Variants in VARS1 observed in about 807,000 individuals in gnomAD.
VARS1 encodes the protein valyl-tRNA synthetase 1, also known as valine--tRNA ligase.
A neutral mutation model predicts 161.0 loss-of-function variants in VARS1; 92 were observed. The ratio of observed to expected loss-of-function variants is 0.57; its 90% CI spans 0.48 to 0.68. The LOEUF (loss-of-function observed/expected upper bound fraction) is 0.68. Ranked by LOEUF, VARS1 falls within the 30% of genes least tolerant of loss-of-function variation. VARS1 has a pLI of 0.00. For synonymous variants in VARS1, 595 were observed against 682.5 expected (o/e 0.87, Z 2.00); for missense variants, 1,338 against 1,695.9 (o/e 0.79, Z 3.71).
At position 31,785,168 on chromosome 6, in the gene VARS1, C is replaced by T. The variant is rs1338339172; in HGVS notation, c.1347+78G>A. 2 of 1,565,308 alleles carry T rather than the reference C, an allele frequency of 1.3e-6. No individual in the cohort carries two copies. Among genetic ancestry groups the T allele is most frequent in the Non-Finnish European group, 1.8e-6 (2 of 1,138,768 alleles). The stretch of plus-strand genomic sequence containing the variant: ...CAGCTCCTGAGAGAGGGCCACAACA[C>T]CTCTGCTTTCTCCTGTGGGGGTCCC... On this transcript the variant is annotated intron_variant, in intron 10 of 29. Transcript: ENST00000375663. This position sits in a 1 kb window ranked among gnomAD's most constrained non-coding sequence, Gnocchi z 6.1.
chr6:31,783,259 C>T, intron 13 of VARS1, 73 bp from the exon 14 acceptor site: 1 of 1,506,548 alleles, frequency 6.6e-7, no homozygotes, highest in Non-Finnish European at 9.1e-7. Flanking sequence ...AATCCCAGAA[C>T]TTTGGGAGGC....
At position 31,778,869 on chromosome 6, in the gene VARS1, T is replaced by G; in HGVS notation, c.3726+98A>C. On this transcript the variant is annotated intron_variant, in intron 29 of 29. Coordinates refer to ENST00000375663, the MANE Select transcript of VARS1 (RefSeq NM_006295.3). This position sits in a 1 kb window ranked among gnomAD's most constrained non-coding sequence, Gnocchi z 5.1. ...CAAAGAAATCTGTAACTGGTTACGA[T>G]CAATTAGTTGTCAACACCACTGCAC... 7 of 1,479,888 alleles carry G rather than the reference T, an allele frequency of 4.7e-6. No homozygotes were observed. Among genetic ancestry groups the G allele is most frequent in the Non-Finnish European group, 6.5e-6 (7 of 1,078,000 alleles). The allele number at this position is 1,479,888 out of a possible 1,614,324, so 91.7% of individuals were successfully genotyped here. A position where few individuals can be genotyped will look rare whatever the true frequency, so the allele number is the denominator to read the frequency against.
intron 4 of VARS1, 113 bp downstream of exon 4, chr6:31,792,644 T>C: frequency 6.3e-7 from 1 of 1,591,908 alleles, no homozygotes; most frequent in Non-Finnish European, 8.6e-7. Context: ...CTCTCCCTCC[T>C]CTCCCGCAGG....
At position 31,791,585 on chromosome 6, in the gene VARS1, G is replaced by A. The variant is rs777470055; in HGVS notation, c.1100+25C>T. On this transcript the variant is annotated intron_variant, in intron 8 of 29. Coordinates refer to ENST00000375663, the MANE Select transcript of VARS1 (RefSeq NM_006295.3). This position sits in a 1 kb window ranked among gnomAD's most constrained non-coding sequence, Gnocchi z 5.0. ...GAGCCAGACTAGGCAGAGGGAACCA[G>A]AGGAAGGTGCAGATAGAAGCTCACC... 6.3e-7 allele frequency: 1 copy of A among 1,594,222 alleles called. No homozygotes were observed. Among genetic ancestry groups the A allele is most frequent in the Middle Eastern group, 1.7e-4 (1 of 5,970 alleles).
In VARS1 at chr6:31,784,996, C is replaced by T. The variant is rs972099960; in HGVS notation, c.1347+250G>A. On this transcript the variant is annotated intron_variant, in intron 10 of 29. Transcript: ENST00000375663. This position sits in a 1 kb window ranked among gnomAD's most constrained non-coding sequence, Gnocchi z 6.1. Reference sequence around the variant, plus strand: ...CTGGGAGTTCAGGCTCCATGGGAGACGGGGTCCTGATCATGTGCCATCTGG... The same window carrying T: ...CTGGGAGTTCAGGCTCCATGGGAGATGGGGTCCTGATCATGTGCCATCTGG... Among the ~76,000 whole-genome samples, 15 of 152,112 alleles carry T rather than the reference C, an allele frequency of 9.9e-5. No homozygotes were observed. Among genetic ancestry groups the T allele is most frequent in the African/African-American group, 2.4e-4 (10 of 41,410 alleles).
rs145403674 is a variant in VARS1 at position 31,791,165 on chromosome 6, T to C, written c.1100+445A>G. Among the ~76,000 whole-genome samples, 44 of 151,924 alleles carry C rather than the reference T, an allele frequency of 2.9e-4. No individual in the cohort carries two copies. Among genetic ancestry groups the C allele is most frequent in the Admixed American group, 1.2e-3 (18 of 15,234 alleles). Reference sequence around the variant, plus strand: ...GACTCTGTCCCCCCAAAAAAAAATATATATATTCATATGTTCCTAATTAAA... The same window carrying C: ...GACTCTGTCCCCCCAAAAAAAAATACATATATTCATATGTTCCTAATTAAA... On this transcript the variant is annotated intron_variant, in intron 8 of 29. Transcript: ENST00000375663. The surrounding 1 kb of genome is among the most constrained non-coding windows in gnomAD (Gnocchi z 5.0).
Position 31,795,086 on chromosome 6 carries a change from T to A in VARS1, c.132A>T (p.Pro44=), listed in dbSNP as rs1423767395. 1 of 1,499,844 alleles carries A rather than the reference T, an allele frequency of 6.7e-7. No homozygotes were observed. 92.9% of individuals were successfully genotyped at this position (1,499,844 alleles called of 1,614,324 possible). The change falls in exon 2 of 30, where the codon CCA becomes CCT. Residue 44 remains proline (P), a synonymous_variant. Coordinates refer to ENST00000375663, the MANE Select transcript of VARS1 (RefSeq NM_006295.3). This position sits in a 1 kb window ranked among gnomAD's most constrained non-coding sequence, Gnocchi z 6.9. ...GAAAGGGAGTCCTGCTAGTCGGGGG[T>A]GGCTGGAGACAGATGCGGGGGTGGG... ...GGAHPRICLQ[P]PPTSRTPFPP... is the part of the protein sequence containing the mutation.
chr6:31,777,749 G>A lies in VARS1; in HGVS notation c.3727-87C>T. The A allele has an allele frequency of 6.7e-7, 1 of 1,498,446 alleles. No individual in the cohort carries two copies. Among genetic ancestry groups the A allele is most frequent in the Non-Finnish European group, 9.1e-7 (1 of 1,097,546 alleles). The allele number at this position is 1,498,446 out of a possible 1,614,324, so 92.8% of individuals were successfully genotyped here. A position where few individuals can be genotyped will look rare whatever the true frequency, so the allele number is the denominator to read the frequency against. On this transcript the variant is annotated intron_variant, in intron 29 of 29. Coordinates refer to ENST00000375663, the MANE Select transcript of VARS1 (RefSeq NM_006295.3). This position sits in a 1 kb window ranked among gnomAD's most constrained non-coding sequence, Gnocchi z 5.8. The stretch of plus-strand genomic sequence containing the variant: ...CAGGACAACAAAGTTGGAAAGATGA[G>A]CGAGGACCATGGGAGGTCAGTAGCT...
Position 31,784,662 on chromosome 6 carries a change from A to G in VARS1, c.1400T>C (p.Ile467Thr), listed in dbSNP as rs1464765458. ...EAFVRLHEEGIIYRSTRLVNW... is the reference protein window; with the variant it reads ...EAFVRLHEEGTIYRSTRLVNW... The stretch of plus-strand genomic sequence containing the variant: ...AACAAGGCGGGTACTGCGATAGATG[A>G]TGCCTTCCTCGTGAAGCCGGACAAA... The change falls in exon 11 of 30, where the codon ATC becomes ACC. Residue 467 changes from isoleucine to threonine, a missense_variant. By Grantham distance (89) the Ile-to-Thr change is moderately conservative. This residue lies in a region of VARS1 where 902 missense variants were observed against 1,090.3 expected (regional missense o/e 0.83). Transcript: ENST00000375663. The surrounding 1 kb of genome is among the most constrained non-coding windows in gnomAD (Gnocchi z 6.1). 4 of 1,613,020 alleles carry G rather than the reference A, an allele frequency of 2.5e-6. No homozygotes were observed. The Admixed American group carries it at 6.7e-5, about 27-fold the overall frequency.
chr6:31,784,318 C>G lies in VARS1; in HGVS notation c.1577-10G>C. ...ACCTCCTCGTCGCTATCTGGGGTGA[C>G]AGAAGGCCTTGTGGTCTTGGCCTTG... On this transcript the variant is annotated splice_polypyrimidine_tract_variant and intron_variant, in intron 12 of 29. Coordinates refer to ENST00000375663, the MANE Select transcript of VARS1 (RefSeq NM_006295.3). This position sits in a 1 kb window ranked among gnomAD's most constrained non-coding sequence, Gnocchi z 6.1. 12 of 1,614,200 alleles carry G rather than the reference C, an allele frequency of 7.4e-6. No homozygotes were observed. Among genetic ancestry groups the G allele is most frequent in the Non-Finnish European group, 1.0e-5 (12 of 1,180,040 alleles).
Position 31,780,220 on chromosome 6 carries a change from G to T in VARS1, c.2926-67C>A, listed in dbSNP as rs887288644. On this transcript the variant is annotated intron_variant, in intron 25 of 29. Transcript: ENST00000375663. The surrounding 1 kb of genome is among the most constrained non-coding windows in gnomAD (Gnocchi z 5.1). Reference sequence around the variant, plus strand: ...GTGCCAGAACCCCATGGGGGCAGGAGTCATGGGCAAATCTTCATCCAGAGT... The same window carrying T: ...GTGCCAGAACCCCATGGGGGCAGGATTCATGGGCAAATCTTCATCCAGAGT... 5 of 1,592,908 alleles carry T rather than the reference G, an allele frequency of 3.1e-6. No individual in the cohort carries two copies. The highest frequency in any genetic ancestry group is 2.7e-5 in the African/African-American group (2 of 74,558).
rs1157374684 is a variant in VARS1, at chr6:31,782,305, A to G, written c.2130T>C (p.His710=). 6 of 1,612,982 alleles carry G rather than the reference A, an allele frequency of 3.7e-6. No individual in the cohort carries two copies. Among genetic ancestry groups the G allele is most frequent in the Non-Finnish European group, 8.5e-7 (1 of 1,179,912 alleles). The change falls in exon 17 of 30, where the codon CAT becomes CAC. Residue 710 remains histidine, a synonymous_variant. Transcript: ENST00000375663. The surrounding 1 kb of genome is among the most constrained non-coding windows in gnomAD (Gnocchi z 8.3). ...CACACCGGATGTTGTCCATCCAGGC[A>G]TGCCATGTGCGCTGATGGGCCTCAG... ...ILPEAHQRTW[H]AWMDNIREWC...
In VARS1 at chr6:31,780,401, G is replaced by A. The variant is rs1813059087; in HGVS notation, c.2925+40C>T. Reference sequence around the variant, plus strand: ...GCTGCTCCGGACAGGGGTACAGCCTGTGTGAGTGCTGCCAGCTTTGCTGCC... The same window carrying A: ...GCTGCTCCGGACAGGGGTACAGCCTATGTGAGTGCTGCCAGCTTTGCTGCC... On this transcript the variant is annotated intron_variant, in intron 25 of 29. Transcript: ENST00000375663. This position sits in a 1 kb window ranked among gnomAD's most constrained non-coding sequence, Gnocchi z 5.1. The A allele has an allele frequency of 1.2e-6, 2 of 1,600,068 alleles. No homozygotes were observed. Among genetic ancestry groups the A allele is most frequent in the Non-Finnish European group, 1.7e-6 (2 of 1,173,032 alleles).
In VARS1 at chr6:31,781,364, C is replaced by G. The variant is rs374733165; in HGVS notation, c.2544+117G>C. 6.9e-7 allele frequency: 1 copy of G among 1,455,810 alleles called. No homozygotes were observed. The highest frequency in any genetic ancestry group is 9.2e-7 in the Non-Finnish European group (1 of 1,090,742). The allele number at this position is 1,455,810 out of a possible 1,614,324, so 90.2% of individuals were successfully genotyped here. Reference sequence around the variant, plus strand: ...TGGATTTCAACCCCACACCAGCCCCCGGGTCAGGCCTGCCCACAGCTAACC... The same window carrying G: ...TGGATTTCAACCCCACACCAGCCCCGGGGTCAGGCCTGCCCACAGCTAACC... On this transcript the variant is annotated intron_variant, in intron 21 of 29. Coordinates refer to ENST00000375663, the MANE Select transcript of VARS1 (RefSeq NM_006295.3). This position sits in a 1 kb window ranked among gnomAD's most constrained non-coding sequence, Gnocchi z 6.8.
At chr6:31,794,783 C>T (rs1814145688) in intron 2 of VARS1, 48 bp downstream of exon 2, 1 of 1,506,948 alleles carries the variant, frequency 6.6e-7, no homozygotes. Context: ...GTCCTCGCTT[C>T]CCTCCTCTGA....
chr6:31,780,293 T>C lies in VARS1; in HGVS notation c.2926-140A>G. The C allele has an allele frequency of 6.6e-7, 1 of 1,514,726 alleles. No homozygotes were observed. The highest frequency in any genetic ancestry group is 8.9e-7 in the Non-Finnish European group (1 of 1,129,164). 93.8% of individuals were successfully genotyped at this position (1,514,726 alleles called of 1,614,324 possible). ...CTATGTGCCAGGATCTGGGAAGAAG[T>C]GACAGGCCCCAGCCCCCAATGCGCT... On this transcript the variant is annotated intron_variant, in intron 25 of 29. Coordinates refer to ENST00000375663, the MANE Select transcript of VARS1 (RefSeq NM_006295.3). The surrounding 1 kb of genome is among the most constrained non-coding windows in gnomAD (Gnocchi z 5.1).
At position 31,781,798 on chromosome 6, in the gene VARS1, G is replaced by A. The variant is rs768717531; in HGVS notation, c.2348-37C>T. The A allele has an allele frequency of 1.2e-6, 2 of 1,612,844 alleles. No homozygotes were observed. Among genetic ancestry groups the A allele is most frequent in the African/African-American group, 1.3e-5 (1 of 74,920 alleles). On this transcript the variant is annotated intron_variant, in intron 19 of 29. Transcript: ENST00000375663. The surrounding 1 kb of genome is among the most constrained non-coding windows in gnomAD (Gnocchi z 6.8). ...CAAAGGTCAGAGGTCAGAGGGAGTGGAGCTCTGCCCCCCACAACTCCCTCC... is the reference window on the plus strand; with the variant it reads ...CAAAGGTCAGAGGTCAGAGGGAGTGAAGCTCTGCCCCCCACAACTCCCTCC...
Position 31,778,986 on chromosome 6 carries a change from T to C in VARS1, c.3707A>G (p.Gln1236Arg), listed in dbSNP as rs1475458732. The change falls in exon 29 of 30, where the codon CAG becomes CGG. Residue 1236 changes from glutamine (Q) to arginine (R), a missense_variant. By Grantham distance (43) the Gln-to-Arg change is conservative (BLOSUM62 1). Around this residue, in one of 3 missense-constraint regions of VARS1, gnomAD observed 433 missense variants for 586.2 expected, o/e 0.74. Transcript: ENST00000375663. The surrounding 1 kb of genome is among the most constrained non-coding windows in gnomAD (Gnocchi z 5.1). ...GYPVKVPLEV[Q>R]EADEAKLQQT... The stretch of plus-strand genomic sequence containing the variant: ...ACACACCTTGGCTTCATCTGCCTCC[T>C]GGACTTCGAGCGGCACCTTGACAGG... The C allele has an allele frequency of 6.2e-7, 1 of 1,612,950 alleles. No individual in the cohort carries two copies. The highest frequency in any genetic ancestry group is 1.3e-5 in the African/African-American group (1 of 74,956).
At position 31,785,882 on chromosome 6, in the gene VARS1, T is replaced by C; in HGVS notation, c.1101-149A>G. On this transcript the variant is annotated intron_variant, in intron 8 of 29. Coordinates refer to ENST00000375663, the MANE Select transcript of VARS1 (RefSeq NM_006295.3). The surrounding 1 kb of genome is among the most constrained non-coding windows in gnomAD (Gnocchi z 6.1). ...GGCTCACGCCTGTAATCCCAGAACT[T>C]TGGGAGGCTGAGGTGGGTGGATCAC... 1 of 1,011,976 alleles carries C rather than the reference T, an allele frequency of 9.9e-7. No individual in the cohort carries two copies. Among genetic ancestry groups the C allele is most frequent in the Non-Finnish European group, 1.4e-6 (1 of 719,680 alleles). 62.7% of individuals were successfully genotyped at this position (1,011,976 alleles called of 1,614,324 possible).
Sources: allele counts gnomAD v4.1 joint callset (sites outside exome capture counted in the v4.1 genomes callset), GRCh38; gene constraint gnomAD v4.1.1; regional missense constraint gnomAD v4.1.1; non-coding constraint Gnocchi (gnomAD v3.1); transcripts MANE v1.5; gene names NCBI Gene and HGNC (gene_info 2026-07-23, HGNC 2026-07-21).